The following RASAL2 variants were observed in gnomAD, a reference collection of about 807,000 sequenced individuals.
RASAL2 encodes RAS protein activator like 2, also known as ras GTPase-activating protein nGAP.
A neutral mutation model predicts 128.9 loss-of-function variants in RASAL2; 58 were observed. The observed-to-expected ratio is 0.45, with a 90% CI of 0.36 to 0.56. RASAL2 has a LOEUF of 0.56. Among genes scored for constraint, RASAL2 ranks in the 20% least tolerant of loss-of-function variants. RASAL2 has a pLI of 0.00. For missense variants in RASAL2, 1,360 were observed against 1,601.6 expected (o/e 0.85, Z 2.57); for synonymous variants, 561 against 580.8 (o/e 0.97, Z 0.49).
chr1:178,370,727 A>C (rs1316753610), intron 3 of RASAL2, among the ~76,000 whole-genome samples: 1 of 152,162 alleles, frequency 6.6e-6, no homozygotes, highest in Non-Finnish European at 1.5e-5. Context: ...AGCTCCATCT[A>C]AGTGCCAAGC....
intron 3 of RASAL2, among the ~76,000 whole-genome samples, chr1:178,310,071 T>C (rs1668167975): frequency 6.6e-6 from 1 of 152,180 alleles, no homozygotes; most frequent in Non-Finnish European, 1.5e-5. Flanking sequence ...TGTAAATTAG[T>C]GAGGACTCTG....
intron 1 of RASAL2, chr1:178,194,393 C>T: frequency 1.8e-5 from 4 of 223,692 alleles, no homozygotes; most frequent in Non-Finnish European, 3.0e-5. Context: ...CTTTGGGCAT[C>T]TCTTAGCATG....
At chr1:178,102,418 C>T (rs932730891) in intron 1 of RASAL2, among the ~76,000 whole-genome samples, 13 of 152,076 alleles carry the variant, frequency 8.5e-5, no homozygotes, top group African/African-American at 2.7e-4. Context: ...AGTGCAGTGG[C>T]GCAATCATAG....
chr1:178,122,546 A>G (rs1181986315), intron 1 of RASAL2, among the ~76,000 whole-genome samples: 2 of 152,212 alleles, frequency 1.3e-5, no homozygotes, highest in South Asian at 2.1e-4. Context: ...TTTGCATCCT[A>G]GAACATCAAC....
intron 4 of RASAL2, 141 bp from the exon 5 acceptor site, chr1:178,420,370 T>C (rs185508931): frequency 2.0e-6 from 1 of 499,138 alleles, no homozygotes; most frequent in East Asian, 3.3e-5. Context: ...TGACTATTAT[T>C]TACAAAATTA....
intron 1 of RASAL2, among the ~76,000 whole-genome samples, chr1:178,163,083 G>A (rs1419752673): frequency 2.6e-5 from 4 of 151,932 alleles, no homozygotes; most frequent in Non-Finnish European, 4.4e-5. Context: ...CAATTCTCCT[G>A]CCTCAGCCTC....
At chr1:178,118,179 T>G (rs1349878178) in intron 1 of RASAL2, among the ~76,000 whole-genome samples, 1 of 151,038 alleles carries the variant, frequency 6.6e-6, no homozygotes, top group Non-Finnish European at 1.5e-5. Flanking sequence ...AAAAAAAAGA[T>G]ATATATATAT....
At chr1:178,140,303 A>G (rs1660479117) in intron 1 of RASAL2, among the ~76,000 whole-genome samples, 1 of 152,218 alleles carries the variant, frequency 6.6e-6, no homozygotes, top group South Asian at 2.1e-4. Flanking sequence ...TTAGTTTGGT[A>G]CATTTGTTGC....
chr1:178,246,753 T>C (rs1052173533), intron 1 of RASAL2, among the ~76,000 whole-genome samples: 7 of 152,146 alleles, frequency 4.6e-5, no homozygotes, highest in African/African-American at 1.7e-4. Context: ...CAATACCTAG[T>C]TTATTGAGAG....
Position 178,441,795 on chromosome 1 carries a change from T to C in RASAL2, c.927+148T>C, listed in dbSNP as rs1451416508. ...TGTTATGCCATTTGTAGTAAGCCCT[T>C]ATTATATCACCATAAAGAAGTATCT... On this transcript the variant is annotated intron_variant, in intron 7 of 17. Coordinates refer to ENST00000367649, the MANE Select transcript of RASAL2 (RefSeq NM_170692.4). 14 of 583,464 alleles carry C rather than the reference T, an allele frequency of 2.4e-5. No individual in the cohort carries two copies. The East Asian group carries it at 3.7e-4, about 15-fold the overall frequency. 36.1% of individuals were successfully genotyped at this position (583,464 alleles called of 1,614,324 possible).
At chr1:178,272,820 C>T (rs538700371) in intron 1 of RASAL2, among the ~76,000 whole-genome samples, 2 of 152,002 alleles carry the variant, frequency 1.3e-5, no homozygotes, top group South Asian at 2.1e-4. Context: ...CCCAGCTACT[C>T]GGGAGGCTGA....
intron 1 of RASAL2, among the ~76,000 whole-genome samples, chr1:178,202,606 G>A (rs1007634300): frequency 1.3e-5 from 2 of 152,188 alleles, no homozygotes; most frequent in Admixed American, 6.5e-5. Context: ...ATAGTCAATG[G>A]TTTGGCCGGA....
At chr1:178,311,827 A>G (rs1054060177) in intron 3 of RASAL2, among the ~76,000 whole-genome samples, 4 of 151,652 alleles carry the variant, frequency 2.6e-5, no homozygotes, top group Non-Finnish European at 4.4e-5. Flanking sequence ...ATACAAAAAA[A>G]GAAGAAGAAG....
chr1:178,464,395 G>A lies in RASAL2; in HGVS notation c.3370G>A (p.Ala1124Thr). Residue 1124 changes from alanine to threonine, a missense_variant, in exon 15 of 18, where the codon GCC (alanine) becomes ACC (threonine). Physicochemically the swap from Ala to Thr is moderately conservative, Grantham distance 58. This residue lies in a region of RASAL2 where 741 missense variants were observed against 868.6 expected (regional missense o/e 0.85). Transcript: ENST00000367649. The part of the protein sequence containing the change: ...VEETEQNLDE[A>T]KHAEKYEQEI... ...AGAAACTGAGCAAAATCTAGATGAA[G>A]CCAAGCATGCTGAGAAGGTAGAACC... The A allele has an allele frequency of 1.2e-6, 2 of 1,613,710 alleles. No homozygotes were observed. The highest frequency in any genetic ancestry group is 1.7e-6 in the Non-Finnish European group (2 of 1,179,770).
At chr1:178,389,008 G>C (rs1007453170) in intron 3 of RASAL2, among the ~76,000 whole-genome samples, 3 of 152,098 alleles carry the variant, frequency 2.0e-5, no homozygotes, top group African/African-American at 7.2e-5. Flanking sequence ...GAGAGGGAGC[G>C]AGAGAAAAAA....
At chr1:178,210,312 T>A (rs1663209185) in intron 1 of RASAL2, among the ~76,000 whole-genome samples, 1 of 152,234 alleles carries the variant, frequency 6.6e-6, no homozygotes, top group Non-Finnish European at 1.5e-5. Context: ...TGACCTGGCC[T>A]TGTAATTCAA....
At chr1:178,253,299 A>G (rs752782726) in intron 1 of RASAL2, among the ~76,000 whole-genome samples, 3 of 152,152 alleles carry the variant, frequency 2.0e-5, no homozygotes, top group Non-Finnish European at 4.4e-5. Context: ...ACCGTACTCC[A>G]ATATGACTTT....
intron 4 of RASAL2, among the ~76,000 whole-genome samples, chr1:178,396,758 T>G (rs538427307): frequency 1.1e-3 from 169 of 151,914 alleles, no homozygotes; most frequent in African/African-American, 4.0e-3. Context: ...TAAAGAAACT[T>G]CATTCCAACA....
intron 1 of RASAL2, among the ~76,000 whole-genome samples, chr1:178,277,347 T>C (rs1298222591): frequency 6.6e-6 from 1 of 152,070 alleles, no homozygotes; most frequent in Non-Finnish European, 1.5e-5. Flanking sequence ...TTTGTAGAGA[T>C]GAGGTCTCAC....
Sources: gnomAD v4.1 joint callset for allele counts (sites outside exome capture counted in the v4.1 genomes callset) on GRCh38, gnomAD v4.1.1 for gene constraint, gnomAD v4.1.1 regional missense constraint, MANE v1.5 for transcripts, NCBI Gene and HGNC (gene_info 2026-07-23, HGNC 2026-07-21) for gene names.